The following ADGRL2 variants were observed in gnomAD, a reference collection of about 807,000 sequenced individuals.
ADGRL2 encodes the protein calcium-independent alpha-latrotoxin receptor 2.
Under a neutral mutation model 157.4 loss-of-function variants are expected in ADGRL2, and 44 were observed. That is an observed-to-expected ratio of 0.28 (90% CI 0.22 to 0.36). ADGRL2 has a LOEUF of 0.36. Ranked by LOEUF, ADGRL2 falls within the 10% of genes least tolerant of loss-of-function variation. The pLI is 1.00. For synonymous variants in ADGRL2, 585 were observed against 624.7 expected, an observed-to-expected ratio of 0.94 and a Z score of 0.95; for missense variants, 1,510 against 1,768.9, an observed-to-expected ratio of 0.85 and a Z score of 2.63.
intron 2 of ADGRL2, among the ~76,000 whole-genome samples, chr1:81,567,472 G>A (rs920384994): frequency 1.3e-5 from 2 of 152,158 alleles, no homozygotes; most frequent in East Asian, 1.9e-4. Context: ...AATATGTAGG[G>A]CACTCGGTAC....
intron 2 of ADGRL2, among the ~76,000 whole-genome samples, chr1:81,879,515 T>A (rs284229): frequency 0.56 from 64,155 of 113,680 alleles, 14,438 homozygotes; most frequent in Middle Eastern, 0.66. Flanking sequence ...ACCCAGAATT[T>A]AAAAAAAAAA....
chr1:81,363,992 G>A (rs2076021817), intron 1 of ADGRL2, among the ~76,000 whole-genome samples: 2 of 151,980 alleles, frequency 1.3e-5, no homozygotes, highest in Non-Finnish European at 2.9e-5. Flanking sequence ...ACTTTTTTGT[G>A]GGCATTTAAT....
intron 1 of ADGRL2, among the ~76,000 whole-genome samples, chr1:81,390,049 T>A (rs1352900886): frequency 1.4e-5 from 2 of 141,486 alleles, no homozygotes; most frequent in Non-Finnish European, 3.1e-5. Context: ...CTTCCTCACC[T>A]TTCTACCACT....
At chr1:81,872,147 A>G (rs533280445) in intron 2 of ADGRL2, among the ~76,000 whole-genome samples, 1 of 152,192 alleles carries the variant, frequency 6.6e-6, no homozygotes, top group Non-Finnish European at 1.5e-5. Context: ...AGCTTTCTAC[A>G]TATGGCTAGC....
intron 2 of ADGRL2, among the ~76,000 whole-genome samples, chr1:81,560,681 G>A (rs978501078): frequency 1.4e-4 from 22 of 152,102 alleles, no homozygotes; most frequent in Admixed American, 5.2e-4. Context: ...CCTCATCAGT[G>A]AGGATGATCG....
chr1:81,312,453 G>A (rs932399470), intron 1 of ADGRL2, among the ~76,000 whole-genome samples: 3 of 152,174 alleles, frequency 2.0e-5, no homozygotes, highest in Non-Finnish European at 2.9e-5. Context: ...GTTCACAAAC[G>A]TGGATAGAAA....
chr1:81,832,339 T>C (rs764196914), intron 1 of ADGRL2, among the ~76,000 whole-genome samples: 2 of 152,140 alleles, frequency 1.3e-5, no homozygotes, highest in Non-Finnish European at 2.9e-5. Flanking sequence ...GAGACGGGGT[T>C]TCACCATGTT....
At chr1:81,427,172 CGAGGTGGTG>C in intron 1 of ADGRL2, 1 of 1,008,794 alleles carries the variant, frequency 9.9e-7, no homozygotes, top group Non-Finnish European at 1.6e-6. Context: ...AGGAAACTTT[CGAGGTGGTG>C]GAGGTAATTT....
chr1:81,712,752 C>T (rs975234458), intron 1 of ADGRL2, among the ~76,000 whole-genome samples: 14 of 134,008 alleles, frequency 1.0e-4, no homozygotes, highest in Admixed American at 3.4e-4. Flanking sequence ...ACCTGGATCG[C>T]GGATTTTTTT....
At chr1:81,846,372 G>A (rs1447509348) in intron 2 of ADGRL2, among the ~76,000 whole-genome samples, 5 of 80,284 alleles carry the variant, frequency 6.2e-5, no homozygotes, top group East Asian at 2.1e-4. Flanking sequence ...TTTTTATGTT[G>A]TTAAACAGCC....
intron 2 of ADGRL2, among the ~76,000 whole-genome samples, chr1:81,503,964 T>A (rs1467028354): frequency 1.4e-4 from 22 of 152,328 alleles, no homozygotes; most frequent in Non-Finnish European, 2.5e-4. Flanking sequence ...CTGAGCATGG[T>A]TGGTGCCCTT....
chr1:81,672,196 T>A (rs2082889440), intron 3 of ADGRL2, among the ~76,000 whole-genome samples: 1 of 152,192 alleles, frequency 6.6e-6, no homozygotes, highest in Non-Finnish European at 1.5e-5. Context: ...CTCTGCAGAT[T>A]TCTAAGATAC....
intron 11 of ADGRL2, among the ~76,000 whole-genome samples, chr1:81,960,882 G>T (rs535264578): frequency 6.6e-6 from 1 of 152,158 alleles, no homozygotes; most frequent in Non-Finnish European, 1.5e-5. Flanking sequence ...AACAACAAAG[G>T]TTTACTACTC....
chr1:81,337,962 A>AT (rs909515397), intron 1 of ADGRL2, among the ~76,000 whole-genome samples: 5 of 152,038 alleles, frequency 3.3e-5, no homozygotes, highest in Non-Finnish European at 7.4e-5. Flanking sequence ...TTCAATTCCC[A>AT]TTTTTTCCAA....
At chr1:81,720,306 AGCTGGATTACAG>A (rs2084263529) in intron 1 of ADGRL2, among the ~76,000 whole-genome samples, 1 of 150,670 alleles carries the variant, frequency 6.6e-6, no homozygotes, top group African/African-American at 2.4e-5. Context: ...CCTCCCGAGT[AGCTGGATTACAG>A]GCCACTACGC....
rs1664895746 is a variant in ADGRL2 at position 81,993,089 on chromosome 1, T to TATATA, written c.*1944_*1945insATATA. On this transcript the variant is annotated 3_prime_UTR_variant, in exon 24 of 24. Transcript: ENST00000686636. ...TATATATATATATATATATATATAT[T>TATATA]TTTTTTTTTTTTTTTTTTTTTTTTT... Among the ~76,000 whole-genome samples, 12 of 21,394 alleles carry TATATA rather than the reference T, an allele frequency of 5.6e-4. No homozygotes were observed. The highest frequency in any genetic ancestry group is 1.3e-3 in the African/African-American group (5 of 3,910). 14.0% of individuals were successfully genotyped at this position (21,394 alleles called of 152,430 possible).
At chr1:81,485,252 A>G (rs2078476363) in intron 2 of ADGRL2, among the ~76,000 whole-genome samples, 1 of 151,966 alleles carries the variant, frequency 6.6e-6, no homozygotes, top group Non-Finnish European at 1.5e-5. Flanking sequence ...AAAAATCATT[A>G]GGGAATTTTC....
At chr1:81,380,813 T>C (rs572416368) in intron 1 of ADGRL2, among the ~76,000 whole-genome samples, 7 of 149,970 alleles carry the variant, frequency 4.7e-5, no homozygotes, top group Non-Finnish European at 1.0e-4. Flanking sequence ...CAAATTTACT[T>C]TGATAATCTT....
At chr1:81,443,578 T>C (rs1291934406) in intron 1 of ADGRL2, among the ~76,000 whole-genome samples, 1 of 152,210 alleles carries the variant, frequency 6.6e-6, no homozygotes, top group African/African-American at 2.4e-5. Flanking sequence ...TCCAGCCACC[T>C]ACACACTACT....
Sources: allele counts gnomAD v4.1 joint callset (sites outside exome capture counted in the v4.1 genomes callset), GRCh38; gene constraint gnomAD v4.1.1; transcripts MANE v1.5; gene names NCBI Gene and HGNC (gene_info 2026-07-23, HGNC 2026-07-21).